The following TRAP1 variants were observed in gnomAD, a reference collection of about 807,000 sequenced individuals.
TRAP1 encodes heat shock protein 75 kDa, mitochondrial.
A neutral mutation model predicts 89.1 loss-of-function variants in TRAP1; 102 were observed. The observed-to-expected ratio is 1.15, with a 90% CI of 0.98 to 1.35. The LOEUF is 1.35. Ranked by LOEUF, TRAP1 falls within the 40% of genes most tolerant of loss-of-function variation. TRAP1 has a pLI of 0.00. For synonymous variants in TRAP1, 508 were observed against 388.0 expected (o/e 1.31, Z -3.64); for missense variants, 1,256 against 945.3 (o/e 1.33, Z -4.31).
chr16:3,710,708 T>C (rs2051516744), intron 1 of TRAP1, among the ~76,000 whole-genome samples: 1 of 152,020 alleles, frequency 6.6e-6, no homozygotes, highest in African/African-American at 2.4e-5. Context: ...TCCTTCGAGG[T>C]GCATATCACT....
intron 1 of TRAP1, among the ~76,000 whole-genome samples, chr16:3,703,819 T>A (rs1478262691): frequency 6.6e-6 from 1 of 150,598 alleles, no homozygotes; most frequent in Non-Finnish European, 1.5e-5. Context: ...ATCAAGATCA[T>A]CCTGGCTAAC....
Position 3,712,106 on chromosome 16 carries a change from C to A in TRAP1, c.88+5315G>T, listed in dbSNP as rs779242824. Reference sequence around the variant, plus strand: ...AAGATTGAGACCATCTTGCCCAACACGGTGAAACCTCGTCTCTACTAAAAA... The same window carrying A: ...AAGATTGAGACCATCTTGCCCAACAAGGTGAAACCTCGTCTCTACTAAAAA... On this transcript the variant is annotated intron_variant, in intron 1 of 17. Coordinates refer to ENST00000246957, the MANE Select transcript of TRAP1 (RefSeq NM_016292.3). 2.0e-5 allele frequency among the ~76,000 whole-genome samples: 3 copies of A among 151,942 alleles called. No individual in the cohort carries two copies. The South Asian group carries it at 6.2e-4, about 32-fold the overall frequency.
At chr16:3,672,133 C>G (rs1422333556) in intron 10 of TRAP1, among the ~76,000 whole-genome samples, 1 of 152,084 alleles carries the variant, frequency 6.6e-6, no homozygotes, top group African/African-American at 2.4e-5. Flanking sequence ...GTCAGGAGTT[C>G]GAGACCAGCC....
chr16:3,697,951 G>A (rs957555780), intron 1 of TRAP1, among the ~76,000 whole-genome samples: 5 of 151,366 alleles, frequency 3.3e-5, no homozygotes, highest in African/African-American at 4.9e-5. Flanking sequence ...ACCATGCCCG[G>A]CTAACTTTTG....
chr16:3,673,147 G>A (rs577137779), intron 9 of TRAP1, among the ~76,000 whole-genome samples: 10 of 152,198 alleles, frequency 6.6e-5, no homozygotes, highest in East Asian at 5.8e-4. Flanking sequence ...AGAGCCCTCC[G>A]ACCAGATCCA....
chr16:3,668,126 A>C (rs2050861825), intron 11 of TRAP1, among the ~76,000 whole-genome samples: 1 of 151,774 alleles, frequency 6.6e-6, no homozygotes, highest in African/African-American at 2.4e-5. Context: ...ATGGGGTTTC[A>C]CCATCTTGGC....
At chr16:3,692,280 A>G (rs1399053085) in intron 1 of TRAP1, among the ~76,000 whole-genome samples, 5 of 152,212 alleles carry the variant, frequency 3.3e-5, no homozygotes, top group Non-Finnish European at 7.3e-5. Flanking sequence ...TCACGCCCGT[A>G]AACCCAGCAC....
chr16:3,702,443 G>A (rs1200294103), intron 1 of TRAP1, among the ~76,000 whole-genome samples: 1 of 151,472 alleles, frequency 6.6e-6, no homozygotes, highest in African/African-American at 2.4e-5. Context: ...TCAAGAGGCA[G>A]ATCATTTTAA....
chr16:3,700,798 C>T (rs1290941523), intron 1 of TRAP1, among the ~76,000 whole-genome samples: 1 of 151,754 alleles, frequency 6.6e-6, no homozygotes, highest in Non-Finnish European at 1.5e-5. Context: ...AGAGTAACCA[C>T]TAAAATAATA....
In TRAP1 at chr16:3,708,505, C is replaced by T. The variant is rs142576096; in HGVS notation, c.88+8916G>A. 4.7e-3 allele frequency among the ~76,000 whole-genome samples: 709 copies of T among 151,954 alleles called. 5 individuals carry two copies. The highest frequency in any genetic ancestry group is 0.018 in the South Asian group (85 of 4,804). ...TACAAAAATTAGCCGGGCGTGGTGA[C>T]GGGTGCCTGTAGTCCCAGCTACTAG... On this transcript the variant is annotated intron_variant, in intron 1 of 17. Coordinates refer to ENST00000246957, the MANE Select transcript of TRAP1 (RefSeq NM_016292.3).
At position 3,687,961 on chromosome 16, in the gene TRAP1, A is replaced by C. The variant is rs531375287; in HGVS notation, c.330+1094T>G. ...AGGAAGCGGTGGCTGATCTGGGCGG[A>C]AGCTGGAGGTCACTGGGAGTCAGGA... On this transcript the variant is annotated intron_variant, in intron 3 of 17. Coordinates refer to ENST00000246957, the MANE Select transcript of TRAP1 (RefSeq NM_016292.3). 9.2e-5 allele frequency among the ~76,000 whole-genome samples: 14 copies of C among 152,074 alleles called. No homozygotes were observed. In the East Asian group the frequency reaches 2.7e-3, roughly 29 times the overall value.
chr16:3,717,174 C>G (rs1450296658), intron 1 of TRAP1, among the ~76,000 whole-genome samples: 1 of 152,236 alleles, frequency 6.6e-6, no homozygotes, highest in Non-Finnish European at 1.5e-5. Context: ...CCGCGACCCC[C>G]CAAGACCCAG....
chr16:3,670,437 A>T (rs964152279), intron 11 of TRAP1, among the ~76,000 whole-genome samples: 1 of 148,836 alleles, frequency 6.7e-6, no homozygotes, highest in Non-Finnish European at 1.5e-5. Flanking sequence ...GCAGTGGCTC[A>T]TGCCTGGAAT....
At chr16:3,702,515 G>A (rs961299644) in intron 1 of TRAP1, among the ~76,000 whole-genome samples, 1 of 151,952 alleles carries the variant, frequency 6.6e-6, no homozygotes, top group East Asian at 1.9e-4. Flanking sequence ...GGCTGAGGCA[G>A]GCAGATCGCT....
chr16:3,663,940 G>A (rs1023859929), intron 13 of TRAP1: 12 of 351,692 alleles, frequency 3.4e-5, no homozygotes, highest in Non-Finnish European at 4.2e-5. Context: ...GTGTGCACCT[G>A]TAGTCCCAGC....
intron 4 of TRAP1, among the ~76,000 whole-genome samples, chr16:3,681,937 A>C (rs1461887047): frequency 6.6e-6 from 1 of 152,242 alleles, no homozygotes; most frequent in African/African-American, 2.4e-5. Context: ...GGAGAATTTA[A>C]AATACCTAAT....
intron 17 of TRAP1, 81 bp from the exon 18 acceptor site, chr16:3,658,311 G>A: frequency 3.4e-6 from 4 of 1,169,116 alleles, no homozygotes; most frequent in Non-Finnish European, 5.0e-6. Flanking sequence ...GAGTCTCACT[G>A]TTGCCGAGGC....
At chr16:3,686,158 GCA>G (rs781565328) in intron 3 of TRAP1, 22 bp from the exon 4 acceptor site, 4 of 1,611,840 alleles carry the variant, frequency 2.5e-6, no homozygotes, top group Non-Finnish European at 3.4e-6. Context: ...GAAATGGGAG[GCA>G]CAGACAATGA....
chr16:3,686,501 G>T (rs1369248176), intron 3 of TRAP1, among the ~76,000 whole-genome samples: 2 of 152,120 alleles, frequency 1.3e-5, no homozygotes, highest in Non-Finnish European at 2.9e-5. Context: ...AATTTTTATA[G>T]ACACAGGGTC....
Sources: gnomAD v4.1 joint callset for allele counts (sites outside exome capture counted in the v4.1 genomes callset) on GRCh38, gnomAD v4.1.1 for gene constraint, MANE v1.5 for transcripts, NCBI Gene and HGNC (gene_info 2026-07-23, HGNC 2026-07-21) for gene names.